Variants in SYNPO2 observed in about 807,000 individuals in gnomAD.
The protein encoded by SYNPO2 is synaptopodin 2, also known as synaptopodin-2.
A neutral mutation model predicts 85.0 loss-of-function variants in SYNPO2; 56 were observed. The ratio of observed to expected loss-of-function variants is 0.66; its 90% CI spans 0.53 to 0.82. The LOEUF is 0.82. Ranked by LOEUF, SYNPO2 falls within the 40% of genes least tolerant of loss-of-function variation. The probability of loss-of-function intolerance (pLI) is 0.00; values close to 1 mark genes in which losing one functional copy is unlikely to be tolerated. For missense variants in SYNPO2, 1,575 were observed against 1,534.2 expected (o/e 1.03, Z -0.44); for synonymous variants, 602 against 591.1 (o/e 1.02, Z -0.27).
intron 4 of SYNPO2, chr4:119,035,150 A>G: frequency 1.0e-6 from 1 of 985,448 alleles, no homozygotes; most frequent in South Asian, 4.7e-5. Context: ...ATAAATGAAA[A>G]AGGTCATTAC....
At chr4:118,965,425 C>T (rs984637700) in intron 1 of SYNPO2, among the ~76,000 whole-genome samples, 8 of 152,152 alleles carry the variant, frequency 5.3e-5, no homozygotes, top group African/African-American at 1.9e-4. Flanking sequence ...CAAGCTCCAG[C>T]TCCAGGATGC....
At chr4:118,894,610 G>A (rs564931836) in intron 1 of SYNPO2, among the ~76,000 whole-genome samples, 7 of 152,006 alleles carry the variant, frequency 4.6e-5, no homozygotes, top group Admixed American at 3.9e-4. Flanking sequence ...GCAGGGGGAA[G>A]GAGAGTAGGA....
At chr4:118,891,490 A>G (rs867070159) in intron 1 of SYNPO2, among the ~76,000 whole-genome samples, 11 of 152,326 alleles carry the variant, frequency 7.2e-5, no homozygotes, top group South Asian at 2.1e-4. Flanking sequence ...TTTTTAGTTC[A>G]AATGATTATG....
At chr4:118,858,646 C>T (rs982223170) in intron 1 of SYNPO2, among the ~76,000 whole-genome samples, 1 of 152,128 alleles carries the variant, frequency 6.6e-6, no homozygotes, top group African/African-American at 2.4e-5. Flanking sequence ...TCACAACTCA[C>T]CATAGGACAG....
intron 1 of SYNPO2, among the ~76,000 whole-genome samples, chr4:118,953,426 C>CATA (rs1734763196): frequency 6.6e-6 from 1 of 152,102 alleles, no homozygotes. Flanking sequence ...ATCACTGTAT[C>CATA]CCCCATTGCC....
At chr4:118,949,663 C>T (rs944996604) in intron 1 of SYNPO2, among the ~76,000 whole-genome samples, 8 of 151,684 alleles carry the variant, frequency 5.3e-5, no homozygotes, top group Non-Finnish European at 1.2e-4. Flanking sequence ...GCAGGAGAGT[C>T]GCTTGAACCC....
chr4:119,030,124 T>C lies in SYNPO2; in HGVS notation c.1349T>C (p.Leu450Ser). The stretch of plus-strand genomic sequence containing the variant: ...GAATCAGAGGTGGATGAAGAGTTAT[T>C]GTCTGACGTTGACGACAACACACAA... ...ASESEVDEEL[L>S]SDVDDNTQVV... is the part of the protein sequence containing the mutation. The change falls in exon 4 of 5, where the codon TTG becomes TCG. Residue 450 changes from leucine (L) to serine (S), a missense_variant. By Grantham distance (145) the Leu-to-Ser change is moderately radical. This residue lies in a region of SYNPO2 where 1,508 missense variants were observed against 1,446.8 expected (regional missense o/e 1.04). Coordinates refer to ENST00000307142, the MANE Select transcript of SYNPO2 (RefSeq NM_133477.3). 6.2e-7 allele frequency: 1 copy of C among 1,614,176 alleles called. No homozygotes were observed. The highest frequency in any genetic ancestry group is 8.5e-7 in the Non-Finnish European group (1 of 1,180,028).
intron 1 of SYNPO2, among the ~76,000 whole-genome samples, chr4:118,853,732 A>G (rs138471995): frequency 1.4e-3 from 217 of 152,186 alleles, no homozygotes; most frequent in African/African-American, 5.0e-3. Context: ...ATTGCCTCCT[A>G]CAGTCTTGGC....
intron 1 of SYNPO2, among the ~76,000 whole-genome samples, chr4:118,922,239 C>G (rs1291664204): frequency 6.6e-6 from 1 of 151,930 alleles, no homozygotes; most frequent in Non-Finnish European, 1.5e-5. Flanking sequence ...TTTCTGTTAC[C>G]CTTTTTAATT....
At chr4:119,024,346 A>G (rs1051874238) in intron 2 of SYNPO2, among the ~76,000 whole-genome samples, 13 of 152,258 alleles carry the variant, frequency 8.5e-5, no homozygotes, top group Non-Finnish European at 1.5e-4. Context: ...GAATCCAGAA[A>G]GGAAAGCTTT....
Position 119,011,445 on chromosome 4 carries a change from T to G in SYNPO2, c.106-11985T>G, listed in dbSNP as rs144919228. 2.1e-3 allele frequency among the ~76,000 whole-genome samples: 325 copies of G among 152,278 alleles called. 5 individuals carry two copies. The highest frequency in any genetic ancestry group is 7.5e-3 in the African/African-American group (313 of 41,550). ...TGGCAGGAGCAGCTGTGGAGTTGCTTATTGAGTCATGGTGGGACCGTTGCC... is the reference window on the plus strand; with the variant it reads ...TGGCAGGAGCAGCTGTGGAGTTGCTGATTGAGTCATGGTGGGACCGTTGCC... On this transcript the variant is annotated intron_variant, in intron 1 of 4. Transcript: ENST00000307142.
At chr4:119,042,003 A>G (rs894195100) in intron 4 of SYNPO2, 2 of 152,222 alleles carry the variant, frequency 1.3e-5, no homozygotes, top group African/African-American at 4.8e-5. Context: ...TTTAAAACCC[A>G]TAAATAGTTT....
rs1739344584 is a variant in SYNPO2 at position 119,059,652 on chromosome 4, T to C, written c.*1718T>C. The C allele has an allele frequency of 6.6e-6, 1 of 152,114 alleles. No homozygotes were observed. The highest frequency in any genetic ancestry group is 1.5e-5 in the Non-Finnish European group (1 of 68,020). 9.4% of individuals were successfully genotyped at this position (152,114 alleles called of 1,614,324 possible). A position where few individuals can be genotyped will look rare whatever the true frequency, so the allele number is the denominator to read the frequency against. On this transcript the variant is annotated 3_prime_UTR_variant, in exon 5 of 5. Transcript: ENST00000307142. ...TACTTTTTTGCTCTTGAATGTATCG[T>C]TATGATGGTCTCTTATAATCATGGT...
At chr4:118,856,734 A>G (rs1391088140) in intron 1 of SYNPO2, among the ~76,000 whole-genome samples, 1 of 151,954 alleles carries the variant, frequency 6.6e-6, no homozygotes, top group African/African-American at 2.4e-5. Context: ...CTGGTCCCGA[A>G]CTCCTGGGCT....
intron 1 of SYNPO2, among the ~76,000 whole-genome samples, chr4:118,895,880 G>A (rs1202689285): frequency 1.3e-5 from 2 of 151,992 alleles, no homozygotes; most frequent in Non-Finnish European, 2.9e-5. Context: ...GAATATAAAC[G>A]AATTTATATA....
intron 1 of SYNPO2, among the ~76,000 whole-genome samples, chr4:118,927,789 G>GATAGATAGATAGATAGAT (rs1733785731): frequency 6.6e-5 from 10 of 151,848 alleles, no homozygotes; most frequent in Admixed American, 6.6e-4. Flanking sequence ...TAGATAGATA[G>GATAGATAGATAGATAGAT]ATAGATAGAT....
upstream of SYNPO2, among the ~76,000 whole-genome samples, chr4:118,884,785 C>T (rs77063329): frequency 2.4e-4 from 37 of 152,274 alleles, no homozygotes; most frequent in East Asian, 6.6e-3. Flanking sequence ...ATTAATTGGG[C>T]ACCAATCATT....
upstream of SYNPO2, among the ~76,000 whole-genome samples, chr4:118,885,688 G>A (rs573282038): frequency 9.3e-4 from 142 of 152,192 alleles, 1 homozygote; most frequent in South Asian, 1.2e-3. Context: ...GGCCAGGCTG[G>A]TCTTGAGCTC....
At chr4:118,943,221 T>C (rs1734381539) in intron 1 of SYNPO2, among the ~76,000 whole-genome samples, 1 of 152,176 alleles carries the variant, frequency 6.6e-6, no homozygotes, top group African/African-American at 2.4e-5. Flanking sequence ...CCCAGACTTC[T>C]CCATGAAGCA....
Sources: gnomAD v4.1 joint callset for allele counts (sites outside exome capture counted in the v4.1 genomes callset) on GRCh38, gnomAD v4.1.1 for gene constraint, gnomAD v4.1.1 regional missense constraint, MANE v1.5 for transcripts, NCBI Gene and HGNC (gene_info 2026-07-23, HGNC 2026-07-21) for gene names.